KCNT1: variants seen among roughly 807,000 people sequenced by gnomAD.
The protein encoded by KCNT1 is potassium channel subfamily T member 1.
KCNT1 carries 78 observed loss-of-function variants against 147.8 expected under a neutral mutation model. That is an observed-to-expected ratio of 0.53 (90% CI 0.44 to 0.64). The LOEUF is 0.64. Ranked by LOEUF, KCNT1 falls within the 30% of genes least tolerant of loss-of-function variation. The pLI, the probability that KCNT1 is intolerant of heterozygous loss-of-function variation, is 0.00. For missense variants in KCNT1, 1,419 were observed against 1,750.3 expected, an observed-to-expected ratio of 0.81 and a Z score of 3.38; for synonymous variants, 867 against 748.8, an observed-to-expected ratio of 1.16 and a Z score of -2.58.
At chr9:135,778,565 GGT>G in intron 22 of KCNT1, 70 bp downstream of exon 22, 1 of 1,603,272 alleles carries the variant, frequency 6.2e-7, no homozygotes, top group Non-Finnish European at 8.5e-7. Context: ...CAAAGTCTGG[GGT>G]GACCCCGACC....
chr9:135,771,214 A>T, intron 18 of KCNT1, 119 bp downstream of exon 18: 8 of 880,242 alleles, frequency 9.1e-6, no homozygotes, highest in Non-Finnish European at 1.2e-5. Context: ...GGAGGTGACC[A>T]GGTGGGACAG....
intron 2 of KCNT1, among the ~76,000 whole-genome samples, chr9:135,715,395 C>G (rs916451255): frequency 2.0e-5 from 3 of 152,242 alleles, no homozygotes; most frequent in Non-Finnish European, 4.4e-5. Flanking sequence ...AGCACTTTAG[C>G]TCTGCCAGGC....
intron 1 of KCNT1, among the ~76,000 whole-genome samples, chr9:135,704,861 G>A (rs73667690): frequency 0.014 from 2,068 of 152,320 alleles, 53 homozygotes; most frequent in African/African-American, 0.046. Flanking sequence ...CCAAGATACC[G>A]CCCAGCACTG....
intron 1 of KCNT1, among the ~76,000 whole-genome samples, chr9:135,707,511 G>A (rs1230298736): frequency 6.6e-6 from 1 of 152,174 alleles, no homozygotes; most frequent in South Asian, 2.1e-4. Flanking sequence ...AGGGGCTGTG[G>A]GCCGATGCAG....
intron 2 of KCNT1, chr9:135,736,796 G>C: frequency 2.7e-6 from 1 of 375,170 alleles, no homozygotes; most frequent in Non-Finnish European, 4.8e-6. Context: ...AGGTAGGGGC[G>C]CGCGGGCCTG....
Position 135,757,307 on chromosome 9 carries a change from C to T in KCNT1, c.685C>T (p.Pro229Ser), listed in dbSNP as rs1488258845. The change falls in exon 9 of 31, where the codon CCG becomes TCG. Residue 229 changes from proline to serine, a missense_variant. Around this residue, in one of 5 missense-constraint regions of KCNT1, gnomAD observed 401 missense variants for 610.6 expected, o/e 0.66. Transcript: ENST00000371757. ...CCTGTCCCCTTCACAGATCTTCTGGCCGCCGCTGCGGAACCTGTTCATCCC... is the reference window on the plus strand; with the variant it reads ...CCTGTCCCCTTCACAGATCTTCTGGTCGCCGCTGCGGAACCTGTTCATCCC... ...TLPFIITIFW[P>S]PLRNLFIPVF... 1.9e-6 allele frequency: 3 copies of T among 1,612,482 alleles called. No individual in the cohort carries two copies. Among genetic ancestry groups the T allele is most frequent in the Non-Finnish European group, 1.7e-6 (2 of 1,179,972 alleles).
chr9:135,740,400 TG>T (rs532545413), intron 2 of KCNT1, among the ~76,000 whole-genome samples: 1 of 152,122 alleles, frequency 6.6e-6, no homozygotes, highest in South Asian at 2.1e-4. Context: ...CTTGGGGTTG[TG>T]GGGTGCAGAG....
chr9:135,792,336 C>T lies in KCNT1; in HGVS notation c.*175C>T. 2.8e-6 allele frequency: 2 copies of T among 706,924 alleles called. No individual in the cohort carries two copies. The highest frequency in any genetic ancestry group is 3.9e-5 in the South Asian group (2 of 51,412). 43.8% of individuals were successfully genotyped at this position (706,924 alleles called of 1,614,324 possible). ...CCCTCATGCGGGGGGAGGGCCAGCT[C>T]ACCCCTGGGCACCTGCAGGCTAGTG... On this transcript the variant is annotated 3_prime_UTR_variant, in exon 31 of 31. Coordinates refer to ENST00000371757, the MANE Select transcript of KCNT1 (RefSeq NM_020822.3).
chr9:135,748,003 G>C (rs530778644), intron 2 of KCNT1, among the ~76,000 whole-genome samples: 16 of 152,264 alleles, frequency 1.1e-4, no homozygotes, highest in African/African-American at 3.6e-4. Flanking sequence ...GTGCAGTGGC[G>C]TGTTGACGGC....
rs959151607 is a variant in KCNT1 at position 135,792,329 on chromosome 9, G to A, written c.*168G>A. 1.4e-5 allele frequency: 12 copies of A among 838,206 alleles called. No individual in the cohort carries two copies. Among genetic ancestry groups the A allele is most frequent in the African/African-American group, 3.4e-5 (2 of 57,988 alleles). The allele number at this position is 838,206 out of a possible 1,614,324, so 51.9% of individuals were successfully genotyped here. A position where few individuals can be genotyped will look rare whatever the true frequency, so the allele number is the denominator to read the frequency against. ...AAGGAGCCCCTCATGCGGGGGGAGG[G>A]CCAGCTCACCCCTGGGCACCTGCAG... On this transcript the variant is annotated 3_prime_UTR_variant, in exon 31 of 31. Coordinates refer to ENST00000371757, the MANE Select transcript of KCNT1 (RefSeq NM_020822.3).
At chr9:135,724,039 G>C (rs1283980183) in intron 2 of KCNT1, among the ~76,000 whole-genome samples, 1 of 152,188 alleles carries the variant, frequency 6.6e-6, no homozygotes, top group Non-Finnish European at 1.5e-5. Context: ...GAAGCTCCAT[G>C]CCCTCCTCCC....
At position 135,770,842 on chromosome 9, in the gene KCNT1, G is replaced by GGTGCCTCTGCCCAGGTATGGCGT. The variant is rs765358427; in HGVS notation, c.1770-7_1785dup. The stretch of plus-strand genomic sequence containing the variant: ...GTGAGCGGCGGTACCTGAAGTTGCC[G>GGTGCCTCTGCCCAGGTATGGCGT]GTGCCTCTGCCCAGGTATGGCGTGT... On this transcript the variant is annotated splice_polypyrimidine_tract_variant and intron_variant, in intron 17 of 30. Transcript: ENST00000371757. 3 of 1,553,914 alleles carry GGTGCCTCTGCCCAGGTATGGCGT rather than the reference G, an allele frequency of 1.9e-6. No individual in the cohort carries two copies. Among genetic ancestry groups the GGTGCCTCTGCCCAGGTATGGCGT allele is most frequent in the East Asian group, 2.4e-5 (1 of 41,422 alleles).
intron 1 of KCNT1, among the ~76,000 whole-genome samples, chr9:135,712,433 G>C (rs960703542): frequency 6.6e-6 from 1 of 152,198 alleles, no homozygotes; most frequent in Admixed American, 6.5e-5. Context: ...CAGCGCAAGA[G>C]AAGAGGGGGT....
intron 11 of KCNT1, among the ~76,000 whole-genome samples, chr9:135,763,036 G>A (rs561162681): frequency 4.6e-5 from 7 of 152,366 alleles, no homozygotes; most frequent in Admixed American, 2.0e-4. Flanking sequence ...GGCAGAGCAG[G>A]CCCTGAGTGG....
In KCNT1 at chr9:135,730,990, T is replaced by TAAAAAAAAAAAAA. The variant is rs56307359; in HGVS notation, c.254+16281_254+16293dup. On this transcript the variant is annotated intron_variant, in intron 2 of 30. Transcript: ENST00000371757. The surrounding 1 kb of genome is among the most constrained non-coding windows in gnomAD (Gnocchi z 4.7). ...AACAAAGTGAGATCCCGTCTCAAGG[T>TAAAAAAAAAAAAA]AAAAAAAAAAAAAAAAAAAAAAAGT... is the stretch of plus-strand genomic sequence containing the variant. Among the ~76,000 whole-genome samples the TAAAAAAAAAAAAA allele has an allele frequency of 2.3e-5, 2 of 85,594 alleles. No individual in the cohort carries two copies. Among genetic ancestry groups the TAAAAAAAAAAAAA allele is most frequent in the South Asian group, 4.4e-4 (1 of 2,278 alleles). The allele number at this position is 85,594 out of a possible 152,430, so 56.2% of individuals were successfully genotyped here.
intron 1 of KCNT1, among the ~76,000 whole-genome samples, chr9:135,708,372 TAC>T (rs1163971507): frequency 6.6e-6 from 1 of 152,268 alleles, no homozygotes; most frequent in Non-Finnish European, 1.5e-5. Flanking sequence ...CATGCTCATT[TAC>T]ACACACATCA....
intron 3 of KCNT1, 150 bp from the exon 4 acceptor site, chr9:135,750,792 G>C (rs953686823): frequency 1.5e-6 from 1 of 684,592 alleles, no homozygotes; most frequent in Non-Finnish European, 2.5e-6. Context: ...CCCAAACAAC[G>C]CAGGGCACAC....
intron 13 of KCNT1, among the ~76,000 whole-genome samples, chr9:135,767,376 TGTG>T (rs1430119176): frequency 4.6e-5 from 7 of 152,022 alleles, no homozygotes; most frequent in African/African-American, 1.4e-4. Context: ...GTGCCAGTGA[TGTG>T]GTGGGGTTCC....
rs373701928 is a variant in KCNT1 at position 135,747,671 on chromosome 9, A to G, written c.255-2427A>G. Among the ~76,000 whole-genome samples the G allele has an allele frequency of 7.9e-4, 120 of 152,216 alleles. 1 individual carries two copies. Among genetic ancestry groups the G allele is most frequent in the African/African-American group, 2.8e-3 (115 of 41,520 alleles). On this transcript the variant is annotated intron_variant, in intron 2 of 30. Transcript: ENST00000371757. ...AGGCGTGGGGCAGGAGGAGGGGCTG[A>G]GGGACACAGCAGAGCTGGCTACGCT...
Sources: gnomAD v4.1 joint callset for allele counts (sites outside exome capture counted in the v4.1 genomes callset) on GRCh38, gnomAD v4.1.1 for gene constraint, gnomAD v4.1.1 regional missense constraint, Gnocchi (gnomAD v3.1) non-coding constraint, MANE v1.5 for transcripts, NCBI Gene and HGNC (gene_info 2026-07-23, HGNC 2026-07-21) for gene names.